RPH3A: variants seen among roughly 807,000 people sequenced by gnomAD.
RPH3A encodes the protein rabphilin 3A, also known as rabphilin-3A.
In RPH3A, 48 loss-of-function variants were observed where a neutral mutation model predicts 102.2. The observed-to-expected ratio is 0.47, with a 90% CI of 0.37 to 0.60. The LOEUF (loss-of-function observed/expected upper bound fraction) is 0.60, where lower values mean the gene tolerates loss of function less well. RPH3A is among the 20% of genes least tolerant of loss of function. The probability of loss-of-function intolerance (pLI) is 0.00; values close to 1 mark genes in which losing one functional copy is unlikely to be tolerated. For missense variants in RPH3A, 781 were observed against 910.1 expected (o/e 0.86, Z 1.83); for synonymous variants, 310 against 324.3 (o/e 0.96, Z 0.47).
chr12:112,875,224 C>T, intron 11 of RPH3A, 54 bp downstream of exon 11: 1 of 1,356,114 alleles, frequency 7.4e-7, no homozygotes, highest in Non-Finnish European at 1.0e-6. Flanking sequence ...GGCTGTGACC[C>T]TCATACCTCC....
chr12:112,773,800 G>A (rs185267001), intron 1 of RPH3A, among the ~76,000 whole-genome samples: 8 of 152,090 alleles, frequency 5.3e-5, no homozygotes, highest in Non-Finnish European at 1.2e-4. Flanking sequence ...GGCAGTAGGG[G>A]CCAGGCATGG....
At chr12:112,639,127 C>CA (rs1448204041) in intron 1 of RPH3A, among the ~76,000 whole-genome samples, 1 of 152,138 alleles carries the variant, frequency 6.6e-6, no homozygotes, top group Non-Finnish European at 1.5e-5. Context: ...AAACTGACTC[C>CA]AAGGCCAGTG....
chr12:112,796,456 A>G (rs1176026839), intron 2 of RPH3A, among the ~76,000 whole-genome samples: 3 of 152,200 alleles, frequency 2.0e-5, no homozygotes, highest in South Asian at 2.1e-4. Flanking sequence ...GTGCTCAGCA[A>G]TGACTTACTG....
intron 1 of RPH3A, among the ~76,000 whole-genome samples, chr12:112,694,569 C>CAG (rs1299025202): frequency 2.7e-5 from 4 of 146,092 alleles, no homozygotes; most frequent in Non-Finnish European, 4.5e-5. Context: ...GAGAGAGAGA[C>CAG]AGAGAGAGAG....
chr12:112,832,042 G>A (rs1160917995), intron 3 of RPH3A, among the ~76,000 whole-genome samples: 3 of 151,740 alleles, frequency 2.0e-5, no homozygotes, highest in East Asian at 1.9e-4. Flanking sequence ...TTCTTTCTTC[G>A]ATTCTCCCTA....
chr12:112,883,674 T>C (rs1352601314), intron 16 of RPH3A, among the ~76,000 whole-genome samples: 1 of 152,196 alleles, frequency 6.6e-6, no homozygotes, highest in Non-Finnish European at 1.5e-5. Flanking sequence ...TGTGGGTGTG[T>C]ATGTAAAAGT....
At chr12:112,869,826 T>A in intron 9 of RPH3A, 29 bp downstream of exon 9, 1 of 1,614,116 alleles carries the variant, frequency 6.2e-7, no homozygotes, top group Non-Finnish European at 8.5e-7. Flanking sequence ...GTTTTGTCAT[T>A]TGAGACACGA....
chr12:112,657,003 T>C (rs1018362263), intron 1 of RPH3A, among the ~76,000 whole-genome samples: 1 of 152,160 alleles, frequency 6.6e-6, no homozygotes, highest in Non-Finnish European at 1.5e-5. Context: ...AGCTTATTTT[T>C]GGTTCTTTGA....
chr12:112,887,729 T>C lies in RPH3A; in HGVS notation c.1437-68T>C, dbSNP rs1277297955. ...ATTCCTTACCAGTATCAGCTGCAACTCTTGGCACACAGTGGTGTCTTAATA... is the reference window on the plus strand; with the variant it reads ...ATTCCTTACCAGTATCAGCTGCAACCCTTGGCACACAGTGGTGTCTTAATA... On this transcript the variant is annotated intron_variant, in intron 16 of 21. Coordinates refer to ENST00000389385, the MANE Select transcript of RPH3A (RefSeq NM_001143854.2). 4 of 1,544,402 alleles carry C rather than the reference T, an allele frequency of 2.6e-6. No individual in the cohort carries two copies. In the African/African-American group the frequency reaches 4.1e-5, roughly 16 times the overall value.
At chr12:112,643,716 G>A (rs1248483287) in intron 1 of RPH3A, among the ~76,000 whole-genome samples, 1 of 152,226 alleles carries the variant, frequency 6.6e-6, no homozygotes, top group East Asian at 1.9e-4. Flanking sequence ...CAGAAAACAG[G>A]TCAGGGAGTT....
intron 1 of RPH3A, among the ~76,000 whole-genome samples, chr12:112,730,817 A>G (rs1475406644): frequency 6.6e-6 from 1 of 152,182 alleles, no homozygotes; most frequent in Non-Finnish European, 1.5e-5. Context: ...AACAAGAGCC[A>G]TTGAAAGGGC....
chr12:112,626,672 C>A (rs2039768990), intron 1 of RPH3A, among the ~76,000 whole-genome samples: 1 of 132,116 alleles, frequency 7.6e-6, no homozygotes, highest in African/African-American at 2.9e-5. Context: ...GGATCTAGAA[C>A]TAGAAATACC....
intron 1 of RPH3A, among the ~76,000 whole-genome samples, chr12:112,638,851 A>T (rs900481265): frequency 3.3e-5 from 5 of 152,188 alleles, no homozygotes; most frequent in Non-Finnish European, 5.9e-5. Context: ...AGAAACTGCA[A>T]TCTATCATCA....
At chr12:112,674,693 G>T (rs2040160708) in intron 1 of RPH3A, among the ~76,000 whole-genome samples, 1 of 152,132 alleles carries the variant, frequency 6.6e-6, no homozygotes, top group African/African-American at 2.4e-5. Flanking sequence ...CTGCTCCAGG[G>T]ATCCATCAAG....
intron 1 of RPH3A, among the ~76,000 whole-genome samples, chr12:112,615,819 G>A (rs1231801469): frequency 6.6e-6 from 1 of 152,150 alleles, no homozygotes; most frequent in South Asian, 2.1e-4. Flanking sequence ...TCACCTCCCT[G>A]ACCTCAGTTT....
At chr12:112,853,366 T>C (rs1302517416) in intron 5 of RPH3A, among the ~76,000 whole-genome samples, 1 of 152,202 alleles carries the variant, frequency 6.6e-6, no homozygotes, top group Non-Finnish European at 1.5e-5. Context: ...TATGCATGTG[T>C]CTATGTGCAT....
intron 13 of RPH3A, among the ~76,000 whole-genome samples, chr12:112,877,860 T>C (rs1263290383): frequency 6.6e-6 from 1 of 152,264 alleles, no homozygotes; most frequent in African/African-American, 2.4e-5. Context: ...TGTTGGGCAC[T>C]CATTTTGTGC....
intron 17 of RPH3A, among the ~76,000 whole-genome samples, chr12:112,889,713 C>A (rs577632661): frequency 2.6e-5 from 4 of 152,214 alleles, no homozygotes; most frequent in Non-Finnish European, 5.9e-5. Flanking sequence ...GTGTGGAATG[C>A]TCTGACACTT....
At chr12:112,607,838 C>CA (rs1476052418) in intron 1 of RPH3A, among the ~76,000 whole-genome samples, 1 of 152,180 alleles carries the variant, frequency 6.6e-6, no homozygotes, top group Non-Finnish European at 1.5e-5. Context: ...ATTAAATGCA[C>CA]TGTTCTTTGC....
Sources: gnomAD v4.1 joint callset for allele counts (sites outside exome capture counted in the v4.1 genomes callset) on GRCh38, gnomAD v4.1.1 for gene constraint, MANE v1.5 for transcripts, NCBI Gene and HGNC (gene_info 2026-07-23, HGNC 2026-07-21) for gene names.